Variants in PDE4B observed in about 807,000 individuals in gnomAD.
PDE4B encodes phosphodiesterase 4B, also known as 3',5'-cyclic-AMP phosphodiesterase 4B.
A neutral mutation model predicts 82.2 loss-of-function variants in PDE4B; 20 were observed. That is an observed-to-expected ratio of 0.24 (90% confidence interval 0.17 to 0.35). PDE4B has a LOEUF of 0.35. PDE4B is among the 10% of genes least tolerant of loss of function. PDE4B has a pLI of 1.00. For missense variants in PDE4B, 655 were observed against 907.2 expected (o/e 0.72, Z 3.57); for synonymous variants, 320 against 318.9 (o/e 1.00, Z -0.04).
At position 66,074,706 on chromosome 1, in the gene PDE4B, T is replaced by TA. The variant is rs79424805; in HGVS notation, c.281+155871_281+155872insA. Among the ~76,000 whole-genome samples, 4 of 12,136 alleles carry TA rather than the reference T, an allele frequency of 3.3e-4. No individual in the cohort carries two copies. The East Asian group carries it at 0.018, about 56-fold the overall frequency. The allele number at this position is 12,136 out of a possible 152,430, so 8.0% of individuals were successfully genotyped here. On this transcript the variant is annotated intron_variant, in intron 3 of 16. Coordinates refer to ENST00000341517, the MANE Select transcript of PDE4B (RefSeq NM_002600.4). ...TCTCTCTATATGAATTTGCTTAAGT[T>TA]GTTGTTCATATGAATGAAATCATAT...
intron 3 of PDE4B, among the ~76,000 whole-genome samples, chr1:66,109,805 C>T (rs770708199): frequency 3.3e-5 from 5 of 151,842 alleles, no homozygotes; most frequent in Admixed American, 6.6e-5. Flanking sequence ...AAATAGTGAA[C>T]ATTGTGCTCA....
At chr1:65,843,459 G>T (rs754626000) in intron 1 of PDE4B, among the ~76,000 whole-genome samples, 24 of 152,154 alleles carry the variant, frequency 1.6e-4, no homozygotes, top group Non-Finnish European at 2.2e-4. Flanking sequence ...GCCATGGGTG[G>T]TTATGAGAAG....
At chr1:66,269,647 G>A (rs1443499458) in intron 7 of PDE4B, among the ~76,000 whole-genome samples, 1 of 152,194 alleles carries the variant, frequency 6.6e-6, no homozygotes, top group Non-Finnish European at 1.5e-5. Flanking sequence ...GGAAAATGGG[G>A]TGCATGCATA....
At chr1:65,937,162 T>C (rs1024757462) in intron 3 of PDE4B, among the ~76,000 whole-genome samples, 15 of 152,342 alleles carry the variant, frequency 9.8e-5, no homozygotes, top group African/African-American at 3.6e-4. Flanking sequence ...TGTGCTTTGC[T>C]TCTGTAAATG....
chr1:66,196,219 A>C (rs986892383), intron 3 of PDE4B, among the ~76,000 whole-genome samples: 1 of 152,216 alleles, frequency 6.6e-6, no homozygotes, highest in African/African-American at 2.4e-5. Context: ...TGGAAGGGCA[A>C]CTGGCGGCCC....
intron 3 of PDE4B, among the ~76,000 whole-genome samples, chr1:65,936,491 A>T (rs185941899): frequency 8.1e-4 from 123 of 152,272 alleles, no homozygotes; most frequent in Non-Finnish European, 4.7e-4. Flanking sequence ...TATGCTATAC[A>T]TGACTGTATT....
At chr1:66,141,085 A>G (rs1359528690) in intron 3 of PDE4B, among the ~76,000 whole-genome samples, 1 of 152,074 alleles carries the variant, frequency 6.6e-6, no homozygotes, top group Non-Finnish European at 1.5e-5. Flanking sequence ...ATGTCTATAC[A>G]TGCATTTGTA....
In PDE4B at chr1:66,349,815, C is replaced by A. The variant is rs750912389; in HGVS notation, c.748-5712C>A. 4.6e-5 allele frequency among the ~76,000 whole-genome samples: 7 copies of A among 152,038 alleles called. No homozygotes were observed. In the East Asian group the frequency reaches 9.7e-4, roughly 21 times the overall value. ...GAGTTTTAGACAAGCACACTATATC[C>A]CTCATTCTGTTTATTTCTTTTTCAT... On this transcript the variant is annotated intron_variant, in intron 8 of 16. Transcript: ENST00000341517.
intron 1 of PDE4B, among the ~76,000 whole-genome samples, chr1:65,912,419 A>G (rs1273107502): frequency 6.6e-6 from 1 of 152,074 alleles, no homozygotes; most frequent in East Asian, 1.9e-4. Context: ...GTCTTCATAA[A>G]CCAGTAACTG....
At chr1:65,833,859 T>G (rs1646110343) in intron 1 of PDE4B, among the ~76,000 whole-genome samples, 1 of 152,220 alleles carries the variant, frequency 6.6e-6, no homozygotes, top group Admixed American at 6.5e-5. Context: ...ACAATTAAAT[T>G]ATATCAAAAA....
At chr1:66,253,542 G>A (rs556489255) in intron 4 of PDE4B, among the ~76,000 whole-genome samples, 3 of 152,300 alleles carry the variant, frequency 2.0e-5, no homozygotes, top group Admixed American at 1.3e-4. Flanking sequence ...TGAATATCTG[G>A]ACTTGCTCCT....
At chr1:66,223,238 AGAG>A (rs1377720280) in intron 3 of PDE4B, among the ~76,000 whole-genome samples, 3 of 152,220 alleles carry the variant, frequency 2.0e-5, no homozygotes, top group African/African-American at 7.2e-5. Flanking sequence ...AAAACGAGAT[AGAG>A]AAGGATGGCT....
At chr1:65,834,442 T>A (rs1368838655) in intron 1 of PDE4B, among the ~76,000 whole-genome samples, 1 of 152,232 alleles carries the variant, frequency 6.6e-6, no homozygotes, top group Non-Finnish European at 1.5e-5. Context: ...TAAATGCATG[T>A]CAACTATTAA....
intron 3 of PDE4B, among the ~76,000 whole-genome samples, chr1:65,921,894 G>A (rs184684314): frequency 6.6e-6 from 1 of 152,170 alleles, no homozygotes; most frequent in East Asian, 1.9e-4. Flanking sequence ...TAAGTCATAA[G>A]TATGGGACTG....
At chr1:66,180,384 AC>A (rs1235086857) in intron 3 of PDE4B, among the ~76,000 whole-genome samples, 1 of 152,226 alleles carries the variant, frequency 6.6e-6, no homozygotes, top group East Asian at 1.9e-4. Context: ...GTTTGTTGTG[AC>A]ATGTTAAGGA....
intron 3 of PDE4B, among the ~76,000 whole-genome samples, chr1:66,164,104 C>T (rs914846490): frequency 6.6e-6 from 1 of 152,126 alleles, no homozygotes; most frequent in Non-Finnish European, 1.5e-5. Flanking sequence ...AAATTTACTC[C>T]ATCAACAAGA....
chr1:66,237,178 G>T (rs962739470), intron 3 of PDE4B, among the ~76,000 whole-genome samples: 6 of 152,038 alleles, frequency 3.9e-5, no homozygotes, highest in Admixed American at 3.9e-4. Context: ...CTTCCCAAAA[G>T]AACATATTTA....
At chr1:65,811,301 AT>A (rs1003457137) in intron 1 of PDE4B, among the ~76,000 whole-genome samples, 7 of 152,158 alleles carry the variant, frequency 4.6e-5, no homozygotes, top group Admixed American at 4.6e-4. Context: ...CTTTGGACTA[AT>A]TTTTGTTGTA....
chr1:65,997,305 T>C (rs1357815412), intron 3 of PDE4B, among the ~76,000 whole-genome samples: 1 of 152,152 alleles, frequency 6.6e-6, no homozygotes, highest in African/African-American at 2.4e-5. Context: ...CTTGTATTCC[T>C]TCTTCTCGTT....
Sources: allele counts gnomAD v4.1 joint callset (sites outside exome capture counted in the v4.1 genomes callset), GRCh38; gene constraint gnomAD v4.1.1; transcripts MANE v1.5; gene names NCBI Gene and HGNC (gene_info 2026-07-23, HGNC 2026-07-21).